Variants in ANKRD11 observed in about 807,000 individuals in gnomAD.
ANKRD11 encodes the protein ankyrin repeat domain-containing protein 11.
ANKRD11 carries 17 observed loss-of-function variants against 195.7 expected under a neutral mutation model. The observed-to-expected ratio is 0.09, with a 90% CI of 0.06 to 0.13. The LOEUF is 0.13. Among genes scored for constraint, ANKRD11 ranks in the 10% least tolerant of loss-of-function variants. The pLI, the probability that ANKRD11 is intolerant of heterozygous loss-of-function variation, is 1.00. For missense variants in ANKRD11, 3,735 were observed against 3,566.1 expected, an observed-to-expected ratio of 1.05 and a Z score of -1.21; for synonymous variants, 1,953 against 1,528.1, an observed-to-expected ratio of 1.28 and a Z score of -6.49.
chr16:89,392,760 T>G (rs1375975047), intron 2 of ANKRD11: 1 of 148,704 alleles, frequency 6.7e-6, no homozygotes, highest in African/African-American at 2.5e-5. Context: ...GAACCTGCAC[T>G]TAAGCAAACT....
chr16:89,394,361 G>GCTCC (rs2152133325), intron 2 of ANKRD11, among the ~76,000 whole-genome samples: 1 of 152,344 alleles, frequency 6.6e-6, no homozygotes, highest in South Asian at 2.1e-4. Context: ...AGGCACAGTG[G>GCTCC]CTCCCGCCCG....
At chr16:89,392,142 T>C (rs2041226821) in intron 2 of ANKRD11, among the ~76,000 whole-genome samples, 1 of 152,248 alleles carries the variant, frequency 6.6e-6, no homozygotes, top group South Asian at 2.1e-4. Flanking sequence ...CAGCAGTTGG[T>C]ATAAAAAAAC....
intron 4 of ANKRD11, among the ~76,000 whole-genome samples, chr16:89,294,778 T>C (rs1385518286): frequency 3.3e-5 from 5 of 152,196 alleles, no homozygotes; most frequent in African/African-American, 7.2e-5. Flanking sequence ...CCTGCCTGCC[T>C]GCCCCTCCTA....
At chr16:89,381,025 A>T (rs149166372) in intron 2 of ANKRD11, among the ~76,000 whole-genome samples, 12 of 152,214 alleles carry the variant, frequency 7.9e-5, no homozygotes, top group African/African-American at 2.6e-4. Flanking sequence ...TCGATCCAAA[A>T]AGGGATGAGA....
At chr16:89,278,736 CCTGGTG>C (rs1330355662) in intron 9 of ANKRD11, 1 of 526,538 alleles carries the variant, frequency 1.9e-6, no homozygotes, top group East Asian at 4.7e-5. Flanking sequence ...GTGAGGCCGT[CCTGGTG>C]GACGGGGAGT....
At chr16:89,402,065 G>A (rs1227094392) in intron 2 of ANKRD11, among the ~76,000 whole-genome samples, 2 of 151,518 alleles carry the variant, frequency 1.3e-5, no homozygotes, top group South Asian at 2.1e-4. Context: ...CGGCAGCCCC[G>A]AAAGACCCCC....
chr16:89,340,605 G>C (rs912188588), intron 2 of ANKRD11, among the ~76,000 whole-genome samples: 10 of 152,188 alleles, frequency 6.6e-5, no homozygotes, highest in African/African-American at 2.4e-4. Flanking sequence ...AGAGATCTTG[G>C]TTAGACAAGG....
intron 2 of ANKRD11, among the ~76,000 whole-genome samples, chr16:89,336,622 C>T (rs2038367591): frequency 6.6e-6 from 1 of 152,150 alleles, no homozygotes; most frequent in South Asian, 2.1e-4. Context: ...TTTGTAAGGA[C>T]GGAAAGCCAC....
intron 3 of ANKRD11, among the ~76,000 whole-genome samples, chr16:89,310,686 T>A (rs1014281154): frequency 6.6e-6 from 1 of 152,212 alleles, no homozygotes; most frequent in Non-Finnish European, 1.5e-5. Context: ...TACCCCAAAA[T>A]AATCCGTATT....
chr16:89,476,119 A>C (rs1283548063), intron 1 of ANKRD11, among the ~76,000 whole-genome samples: 4 of 152,154 alleles, frequency 2.6e-5, no homozygotes, highest in Admixed American at 1.3e-4. Flanking sequence ...AAATATGCAA[A>C]TTATGAGAAC....
intron 1 of ANKRD11, among the ~76,000 whole-genome samples, chr16:89,488,296 T>C (rs1305054038): frequency 6.6e-6 from 1 of 152,102 alleles, no homozygotes; most frequent in Non-Finnish European, 1.5e-5. Context: ...TCCATTCAGA[T>C]GGCCAGCCTA....
intron 2 of ANKRD11, among the ~76,000 whole-genome samples, chr16:89,367,882 T>A (rs1279675895): frequency 6.6e-6 from 1 of 152,052 alleles, no homozygotes; most frequent in Non-Finnish European, 1.5e-5. Context: ...GGTGTGCTTG[T>A]GGTACCGGCT....
intron 1 of ANKRD11, among the ~76,000 whole-genome samples, chr16:89,457,822 A>G (rs2056503835): frequency 6.6e-6 from 1 of 152,162 alleles, no homozygotes; most frequent in African/African-American, 2.4e-5. Flanking sequence ...TTTATTATAT[A>G]AAGTATACAG....
At chr16:89,435,344 G>T (rs555536188) in intron 1 of ANKRD11, among the ~76,000 whole-genome samples, 48 of 152,304 alleles carry the variant, frequency 3.2e-4, no homozygotes, top group African/African-American at 1.1e-3. Context: ...GGGAATAAAA[G>T]CTGGCCACAT....
At chr16:89,368,535 G>A (rs1371514481) in intron 2 of ANKRD11, among the ~76,000 whole-genome samples, 1 of 150,526 alleles carries the variant, frequency 6.6e-6, no homozygotes, top group Non-Finnish European at 1.5e-5. Flanking sequence ...CTTCTTTTGT[G>A]CAGCATTTTC....
intron 1 of ANKRD11, chr16:89,489,285 G>C (rs1189016029): frequency 6.6e-6 from 1 of 152,248 alleles, no homozygotes; most frequent in African/African-American, 2.4e-5. Context: ...GCCCTGCCAG[G>C]GGATGATGAA....
chr16:89,485,608 C>A (rs1176793125), intron 1 of ANKRD11, among the ~76,000 whole-genome samples: 5 of 152,138 alleles, frequency 3.3e-5, no homozygotes, highest in African/African-American at 1.2e-4. Context: ...ACCCAAAAAT[C>A]TAAAACAAGT....
chr16:89,480,777 A>G (rs566916864), intron 1 of ANKRD11, among the ~76,000 whole-genome samples: 3 of 152,176 alleles, frequency 2.0e-5, no homozygotes, highest in African/African-American at 2.4e-5. Flanking sequence ...TGCCTTGGCC[A>G]TTAAAGTCAT....
intron 1 of ANKRD11, among the ~76,000 whole-genome samples, chr16:89,453,989 G>C (rs996896847): frequency 4.6e-5 from 7 of 152,198 alleles, no homozygotes; most frequent in African/African-American, 1.7e-4. Flanking sequence ...GAGTTCCCAA[G>C]ACTGTCTGAG....
Sources: allele counts gnomAD v4.1 joint callset (sites outside exome capture counted in the v4.1 genomes callset), GRCh38; gene constraint gnomAD v4.1.1; transcripts MANE v1.5; gene names NCBI Gene and HGNC (gene_info 2026-07-23, HGNC 2026-07-21).